The following ZNF224 variants were observed in gnomAD, a reference collection of about 807,000 sequenced individuals.
ZNF224 encodes the protein bone marrow zinc finger 2.
ZNF224 carries 8 observed loss-of-function variants against 10.5 expected under a neutral mutation model. The ratio of observed to expected loss-of-function variants is 0.76; its 90% CI spans 0.45 to 1.37. ZNF224 has a LOEUF of 1.37. Ranked by LOEUF, ZNF224 falls within the 40% of genes most tolerant of loss-of-function variation. The pLI is 0.00. For synonymous variants in ZNF224, 282 were observed against 287.8 expected (o/e 0.98, Z 0.20); for missense variants, 754 against 854.0 (o/e 0.88, Z 1.46).
At chr19:44,100,765 T>A in intron 3 of ZNF224, 36 bp from the exon 4 acceptor site, 1 of 1,604,046 alleles carries the variant, frequency 6.2e-7, no homozygotes, top group Non-Finnish European at 8.5e-7. Context: ...GAATCATTGG[T>A]CATGAGACTG....
chr19:44,104,580 C>G (rs1050132418), intron 5 of ZNF224, among the ~76,000 whole-genome samples: 1 of 152,086 alleles, frequency 6.6e-6, no homozygotes, highest in Non-Finnish European at 1.5e-5. Flanking sequence ...TGTATTCTCC[C>G]CATAGAGTAG....
Position 44,107,415 on chromosome 19 carries a change from C to G in ZNF224, c.1255C>G (p.Gln419Glu). Residue 419 changes from glutamine (Q) to glutamate (E), a missense_variant, in exon 6 of 6, where the codon CAG becomes GAG. Transcript: ENST00000693561. ...CACAAATTCACAATGCTATTCCCAC[C>G]AGAGATCCCATAGTGGAGAAAAACC... ...FYTNSQCYSH[Q>E]RSHSGEKPYK... The G allele has an allele frequency of 1.2e-6, 2 of 1,608,284 alleles. No individual in the cohort carries two copies. The highest frequency in any genetic ancestry group is 1.7e-6 in the Non-Finnish European group (2 of 1,177,898).
chr19:44,107,125 A>G lies in ZNF224; in HGVS notation c.965A>G (p.Asp322Gly). The G allele has an allele frequency of 6.2e-7, 1 of 1,605,972 alleles. No individual in the cohort carries two copies. Among genetic ancestry groups the G allele is most frequent in the Non-Finnish European group, 8.5e-7 (1 of 1,175,540 alleles). Residue 322 changes from aspartate to glycine, a missense_variant, in exon 6 of 6, where the codon GAT becomes GGT. Physicochemically the swap from Asp to Gly is moderately conservative, Grantham distance 94. Transcript: ENST00000693561. ...AAACCATTCCGATGTGATACGTGTG[A>G]TAAGAGCTTTCGTCAGAGATCAGCA... ...AEKPFRCDTC[D>G]KSFRQRSALN...
chr19:44,101,167 C>T lies in ZNF224; in HGVS notation c.177C>T (p.Phe59=), dbSNP rs537816526. Residue 59 remains phenylalanine (F), a synonymous_variant, in exon 5 of 6, where the codon TTC becomes TTT. Transcript: ENST00000693561. ...CATTCCACAGGGATACTTTCCACTT[C>T]CTAAGGGAAGAAAAGATTTGGATGA... is the stretch of plus-strand genomic sequence containing the variant. ...HQAFHRDTFH[F]LREEKIWMMK... 1.5e-5 allele frequency: 24 copies of T among 1,614,100 alleles called. No homozygotes were observed. Among genetic ancestry groups the T allele is most frequent in the Middle Eastern group, 1.6e-4 (1 of 6,062 alleles).
At chr19:44,106,139 A>G in intron 5 of ZNF224, 2 of 479,172 alleles carry the variant, frequency 4.2e-6, no homozygotes, top group South Asian at 4.7e-5. Context: ...GCAGCAGTGT[A>G]TAAGCGTTTC....
At position 44,106,962 on chromosome 19, in the gene ZNF224, G is replaced by A. The variant is rs1262628280; in HGVS notation, c.802G>A (p.Ala268Thr). 1.2e-6 allele frequency: 2 copies of A among 1,610,654 alleles called. No individual in the cohort carries two copies. Among genetic ancestry groups the A allele is most frequent in the Non-Finnish European group, 1.7e-6 (2 of 1,177,942 alleles). The change falls in exon 6 of 6, where the codon GCC (alanine) becomes ACC (threonine). Residue 268 changes from alanine (A) to threonine (T), a missense_variant. Physicochemically the swap from Ala to Thr is moderately conservative, Grantham distance 58. Transcript: ENST00000693561. The part of the protein sequence containing the change: ...KPYNCEECGK[A>T]FIHDSQLQEH... Reference sequence around the variant, plus strand: ...TTATAATTGTGAGGAATGCGGGAAGGCCTTCATTCACGATTCCCAGCTTCA... The same window carrying A: ...TTATAATTGTGAGGAATGCGGGAAGACCTTCATTCACGATTCCCAGCTTCA...
In ZNF224 at chr19:44,106,448, A is replaced by G; in HGVS notation, c.288A>G (p.Gln96=). ...CTGTTTCAGAAGCAGGAACACATCA[A>G]GAGTGGTCCTTCCAGCAAATCTGGG... ...METVSEAGTH[Q]EWSFQQIWEK... is the part of the protein sequence containing the mutation. The change falls in exon 6 of 6, where the codon CAA becomes CAG. Residue 96 remains glutamine, a synonymous_variant. Transcript: ENST00000693561. The G allele has an allele frequency of 6.2e-7, 1 of 1,614,200 alleles. No individual in the cohort carries two copies. The highest frequency in any genetic ancestry group is 8.5e-7 in the Non-Finnish European group (1 of 1,180,026).
Position 44,107,575 on chromosome 19 carries a change from T to C in ZNF224, c.1415T>C (p.Leu472Ser). ...GKSFSRAPCL[L>S]KHERLHSGEK... ...AGCTTTAGTCGGGCCCCATGTCTTT[T>C]GAAACATGAGAGACTCCACAGTGGA... The change falls in exon 6 of 6, where the codon TTG (leucine) becomes TCG (serine). Residue 472 changes from leucine (L) to serine (S), a missense_variant. Physicochemically the swap from Leu to Ser is moderately radical, Grantham distance 145 (BLOSUM62 -2). Coordinates refer to ENST00000693561, the MANE Select transcript of ZNF224 (RefSeq NM_001321645.3). The C allele has an allele frequency of 6.2e-7, 1 of 1,613,516 alleles. No homozygotes were observed. Among genetic ancestry groups the C allele is most frequent in the Non-Finnish European group, 8.5e-7 (1 of 1,179,816 alleles).
chr19:44,095,101 G>T, intron 1 of ZNF224: 1 of 228,904 alleles, frequency 4.4e-6, no homozygotes. Flanking sequence ...TCCCCAACCC[G>T]ACCTTTCCAG....
chr19:44,096,072 T>C (rs1599659300), intron 1 of ZNF224: 1 of 152,170 alleles, frequency 6.6e-6, no homozygotes. Flanking sequence ...ATTTTTTTCT[T>C]AATATTTCCC....
At chr19:44,103,593 A>G (rs1967589299) in intron 5 of ZNF224, among the ~76,000 whole-genome samples, 2 of 152,168 alleles carry the variant, frequency 1.3e-5, no homozygotes, top group Admixed American at 6.5e-5. Flanking sequence ...AAGGTTTTAA[A>G]TTTATTTTAT....
Position 44,096,355 on chromosome 19 carries a change from A to G in ZNF224, c.-145A>G, listed in dbSNP as rs1319021869. 6.6e-6 allele frequency: 1 copy of G among 152,230 alleles called. No individual in the cohort carries two copies. The highest frequency in any genetic ancestry group is 2.4e-5 in the African/African-American group (1 of 41,458). 9.4% of individuals were successfully genotyped at this position (152,230 alleles called of 1,614,324 possible). On this transcript the variant is annotated 5_prime_UTR_variant, in exon 2 of 6. Coordinates refer to ENST00000693561, the MANE Select transcript of ZNF224 (RefSeq NM_001321645.3). Reference sequence around the variant, plus strand: ...TGATGACCATCAGCTGAATACCACTAGAAACATACCTGTAACCAGAGACAG... The same window carrying G: ...TGATGACCATCAGCTGAATACCACTGGAAACATACCTGTAACCAGAGACAG...
Position 44,096,346 on chromosome 19 carries a change from A to T in ZNF224, c.-154A>T, listed in dbSNP as rs920771303. On this transcript the variant is annotated 5_prime_UTR_variant, in exon 2 of 6. Coordinates refer to ENST00000693561, the MANE Select transcript of ZNF224 (RefSeq NM_001321645.3). ...TTGTTTTGTTGATGACCATCAGCTGAATACCACTAGAAACATACCTGTAAC... is the reference window on the plus strand; with the variant it reads ...TTGTTTTGTTGATGACCATCAGCTGTATACCACTAGAAACATACCTGTAAC... 1 of 152,246 alleles carries T rather than the reference A, an allele frequency of 6.6e-6. No individual in the cohort carries two copies. Among genetic ancestry groups the T allele is most frequent in the African/African-American group, 2.4e-5 (1 of 41,464 alleles). 9.4% of individuals were successfully genotyped at this position (152,246 alleles called of 1,614,324 possible).
At position 44,101,168 on chromosome 19, in the gene ZNF224, C is replaced by G; in HGVS notation, c.178C>G (p.Leu60Val). 1 of 1,614,062 alleles carries G rather than the reference C, an allele frequency of 6.2e-7. No homozygotes were observed. The highest frequency in any genetic ancestry group is 8.5e-7 in the Non-Finnish European group (1 of 1,179,986). The part of the protein sequence containing the change: ...QAFHRDTFHF[L>V]REEKIWMMKT... ...ATTCCACAGGGATACTTTCCACTTC[C>G]TAAGGGAAGAAAAGATTTGGATGAT... is the stretch of plus-strand genomic sequence containing the variant. Residue 60 changes from leucine to valine, a missense_variant, in exon 5 of 6, where the codon CTA becomes GTA. Transcript: ENST00000693561.
intron 3 of ZNF224, among the ~76,000 whole-genome samples, chr19:44,099,696 A>G (rs1353247178): frequency 7.3e-6 from 1 of 137,222 alleles, no homozygotes; most frequent in East Asian, 1.9e-4. Context: ...CTACAAAAAG[A>G]AAAAAAAGAA....
intron 5 of ZNF224, 56 bp downstream of exon 5, chr19:44,101,281 G>T: frequency 6.4e-7 from 1 of 1,557,640 alleles, no homozygotes; most frequent in South Asian, 1.1e-5. Context: ...TTTCACTTCT[G>T]TCCATGCTCA....
chr19:44,095,989 G>GT lies in ZNF224; in HGVS notation c.-157-352dup, dbSNP rs1967427803. The GT allele has an allele frequency of 2.0e-5, 3 of 150,940 alleles. No individual in the cohort carries two copies. In the South Asian group the frequency reaches 6.2e-4, roughly 31 times the overall value. The allele number at this position is 150,940 out of a possible 1,614,324, so 9.4% of individuals were successfully genotyped here. A position where few individuals can be genotyped will look rare whatever the true frequency, so the allele number is the denominator to read the frequency against. Reference sequence around the variant, plus strand: ...AATCCATGAAGTAAAGGTAGCAACTGTTAAGCTCGTAATGTGTTTCTTTCT... The same window carrying GT: ...AATCCATGAAGTAAAGGTAGCAACTGTTTAAGCTCGTAATGTGTTTCTTTCT... On this transcript the variant is annotated intron_variant, in intron 1 of 5. Coordinates refer to ENST00000693561, the MANE Select transcript of ZNF224 (RefSeq NM_001321645.3).
At chr19:44,101,551 C>CT (rs1163498161) in intron 5 of ZNF224, among the ~76,000 whole-genome samples, 7 of 152,212 alleles carry the variant, frequency 4.6e-5, no homozygotes, top group Non-Finnish European at 7.3e-5. Context: ...TGCCACCTCT[C>CT]TAACTACATC....
chr19:44,098,316 C>T (rs1189875708), intron 3 of ZNF224, among the ~76,000 whole-genome samples: 1 of 152,092 alleles, frequency 6.6e-6, no homozygotes, highest in Non-Finnish European at 1.5e-5. Flanking sequence ...TTTTTAATTA[C>T]TTTATACTTC....
Sources: allele counts gnomAD v4.1 joint callset (sites outside exome capture counted in the v4.1 genomes callset), GRCh38; gene constraint gnomAD v4.1.1; transcripts MANE v1.5; gene names NCBI Gene and HGNC (gene_info 2026-07-23, HGNC 2026-07-21).